Variants in FXR1 observed in about 807,000 individuals in gnomAD.
FXR1 encodes the protein RNA-binding protein FXR1.
FXR1 carries 15 observed loss-of-function variants against 84.0 expected under a neutral mutation model. The ratio of observed to expected loss-of-function variants is 0.18; its 90% CI spans 0.12 to 0.27. The LOEUF (loss-of-function observed/expected upper bound fraction) is 0.27. FXR1 is among the 10% of genes least tolerant of loss of function. The probability of loss-of-function intolerance (pLI) is 1.00; values close to 1 mark genes in which losing one functional copy is unlikely to be tolerated. For synonymous variants in FXR1, 245 were observed against 250.7 expected (o/e 0.98, Z 0.21); for missense variants, 480 against 774.4 (o/e 0.62, Z 4.51).
rs947055081 is a variant in FXR1, at chr3:180,915,354, A to C, written c.51+2618A>C. ...GCCCTTTTCAGTCAACCATTCCTCAACCCCAGCTTCTAGAGTGTTTTCTGT... is the reference window on the plus strand; with the variant it reads ...GCCCTTTTCAGTCAACCATTCCTCACCCCCAGCTTCTAGAGTGTTTTCTGT... On this transcript the variant is annotated intron_variant, in intron 1 of 16. Transcript: ENST00000357559. The C allele has an allele frequency of 1.2e-5, 7 of 594,902 alleles. No individual in the cohort carries two copies. In the Admixed American group the frequency reaches 1.7e-4, roughly 14 times the overall value. The allele number at this position is 594,902 out of a possible 1,614,324, so 36.9% of individuals were successfully genotyped here.
intron 3 of FXR1, among the ~76,000 whole-genome samples, chr3:180,938,960 A>G (rs966094711): frequency 3.3e-5 from 5 of 151,808 alleles, no homozygotes; most frequent in South Asian, 4.2e-4. Context: ...CAGTGGCACA[A>G]TCTCAGTTCA....
At chr3:180,923,327 G>C (rs1308252371) in intron 1 of FXR1, among the ~76,000 whole-genome samples, 1 of 152,152 alleles carries the variant, frequency 6.6e-6, no homozygotes, top group East Asian at 1.9e-4. Context: ...GGTGTCCTGG[G>C]AATACCATAC....
chr3:180,935,101 T>C, intron 2 of FXR1, 37 bp from the exon 3 acceptor site: 1 of 972,574 alleles, frequency 1.0e-6, no homozygotes, highest in Non-Finnish European at 1.6e-6. Context: ...AGACTATATA[T>C]TTTTAAGTTG....
At chr3:180,960,804 G>A (rs1185333029) in intron 10 of FXR1, among the ~76,000 whole-genome samples, 1 of 151,794 alleles carries the variant, frequency 6.6e-6, no homozygotes, top group Non-Finnish European at 1.5e-5. Flanking sequence ...TTATATACTT[G>A]GAAAATTAAA....
chr3:180,954,858 TC>T (rs1345840791), intron 9 of FXR1, among the ~76,000 whole-genome samples: 3 of 148,258 alleles, frequency 2.0e-5, no homozygotes, highest in Non-Finnish European at 3.0e-5. Flanking sequence ...AATAAATACT[TC>T]CATTCTAAAA....
intron 1 of FXR1, among the ~76,000 whole-genome samples, chr3:180,925,502 G>A (rs1026490836): frequency 2.0e-5 from 3 of 152,166 alleles, no homozygotes; most frequent in Admixed American, 6.5e-5. Flanking sequence ...AAGAAACCGC[G>A]GTCATTCCTA....
intron 15 of FXR1, among the ~76,000 whole-genome samples, chr3:180,972,472 TGAA>T (rs1713706175): frequency 6.6e-6 from 1 of 152,178 alleles, no homozygotes; most frequent in Admixed American, 6.5e-5. Context: ...ATGTTTTAGA[TGAA>T]GAGATTATTT....
chr3:180,933,852 T>C (rs1258145645), intron 2 of FXR1, among the ~76,000 whole-genome samples: 1 of 152,156 alleles, frequency 6.6e-6, no homozygotes, highest in Non-Finnish European at 1.5e-5. Context: ...GGCTCATGCC[T>C]GTAATCCCAG....
rs1714490170 is a variant in FXR1 at position 180,979,271 on chromosome 3, G to T, written c.*2979G>T. On this transcript the variant is annotated 3_prime_UTR_variant, in exon 17 of 17. Transcript: ENST00000357559. ...CTCAAACCAACTAGTGTTCTCATGG[G>T]CTGTTGCCTAAGGACAGATAAACAT... is the stretch of plus-strand genomic sequence containing the variant. The T allele has an allele frequency of 6.6e-6, 1 of 152,120 alleles. No individual in the cohort carries two copies. The highest frequency in any genetic ancestry group is 6.6e-5 in the Admixed American group (1 of 15,256). The allele number at this position is 152,120 out of a possible 1,614,324, so 9.4% of individuals were successfully genotyped here. A position where few individuals can be genotyped will look rare whatever the true frequency, so the allele number is the denominator to read the frequency against.
intron 3 of FXR1, among the ~76,000 whole-genome samples, chr3:180,939,365 G>A (rs1350078278): frequency 6.6e-6 from 1 of 151,860 alleles, no homozygotes; most frequent in Non-Finnish European, 1.5e-5. Flanking sequence ...AATTTTTCTG[G>A]GATTGTGCAA....
At chr3:180,957,328 A>T (rs1469085115) in intron 9 of FXR1, among the ~76,000 whole-genome samples, 1 of 152,218 alleles carries the variant, frequency 6.6e-6, no homozygotes, top group Non-Finnish European at 1.5e-5. Context: ...AATATAATAC[A>T]TGTAAATATT....
chr3:180,929,598 A>T (rs955631393), intron 1 of FXR1, among the ~76,000 whole-genome samples: 7 of 152,156 alleles, frequency 4.6e-5, no homozygotes, highest in Non-Finnish European at 1.0e-4. Context: ...TTGGATGGAG[A>T]CTTAAAGGCA....
At position 180,947,949 on chromosome 3, in the gene FXR1, C is replaced by G. The variant is rs745629719; in HGVS notation, c.270+13C>G. ...GATGAAAGGAGAAGTAAGTACTCTTCACACTTGCTTTGTGACTAGTTTCTA... is the reference window on the plus strand; with the variant it reads ...GATGAAAGGAGAAGTAAGTACTCTTGACACTTGCTTTGTGACTAGTTTCTA... On this transcript the variant is annotated intron_variant, in intron 4 of 16. Coordinates refer to ENST00000357559, the MANE Select transcript of FXR1 (RefSeq NM_005087.4). 1.2e-5 allele frequency: 19 copies of G among 1,521,548 alleles called. No homozygotes were observed. In the Admixed American group the frequency reaches 3.3e-4, roughly 26 times the overall value. 94.3% of individuals were successfully genotyped at this position (1,521,548 alleles called of 1,614,324 possible).
chr3:180,943,815 A>G (rs939880664), intron 3 of FXR1, among the ~76,000 whole-genome samples: 20 of 152,122 alleles, frequency 1.3e-4, no homozygotes, highest in African/African-American at 3.6e-4. Flanking sequence ...AAGACATAAC[A>G]TTTTCAGCAA....
intron 1 of FXR1, among the ~76,000 whole-genome samples, chr3:180,921,083 T>C (rs958346444): frequency 3.3e-5 from 5 of 152,074 alleles, no homozygotes; most frequent in African/African-American, 1.2e-4. Context: ...GCTTACTCCA[T>C]AATTGGCTGG....
intron 3 of FXR1, among the ~76,000 whole-genome samples, chr3:180,937,120 A>G (rs1236330688): frequency 1.1e-4 from 17 of 152,196 alleles, no homozygotes; most frequent in Admixed American, 1.1e-3. Flanking sequence ...CTGTGAGAAT[A>G]AAGGGCTTGA....
intron 3 of FXR1, among the ~76,000 whole-genome samples, chr3:180,944,521 C>A (rs1238309174): frequency 2.0e-5 from 3 of 151,942 alleles, no homozygotes; most frequent in East Asian, 3.9e-4. Context: ...GAGACGAAAT[C>A]TTCCTGTGTT....
intron 1 of FXR1, among the ~76,000 whole-genome samples, 179 bp downstream of exon 1, chr3:180,912,915 G>A (rs1424249362): frequency 6.6e-6 from 1 of 152,092 alleles, no homozygotes; most frequent in Non-Finnish European, 1.5e-5. Context: ...CGGGGGCCGG[G>A]GCTCCGTTAT....
At chr3:180,926,496 A>ATTTT (rs1719207515) in intron 1 of FXR1, among the ~76,000 whole-genome samples, 3 of 99,154 alleles carry the variant, frequency 3.0e-5, no homozygotes, top group African/African-American at 1.9e-4. Flanking sequence ...ATATATATAT[A>ATTTT]TATATATATA....
Sources: allele counts gnomAD v4.1 joint callset (sites outside exome capture counted in the v4.1 genomes callset), GRCh38; gene constraint gnomAD v4.1.1; transcripts MANE v1.5; gene names NCBI Gene and HGNC (gene_info 2026-07-23, HGNC 2026-07-21).